PKP1: variants seen among roughly 807,000 people sequenced by gnomAD.
PKP1 encodes the protein plakophilin 1.
A neutral mutation model predicts 76.4 loss-of-function variants in PKP1; 27 were observed. The ratio of observed to expected loss-of-function variants is 0.35; its 90% CI spans 0.26 to 0.49. The LOEUF is 0.49. PKP1 is among the 20% of genes least tolerant of loss of function. The pLI is 0.99. For missense variants in PKP1, 964 were observed against 955.2 expected, an observed-to-expected ratio of 1.01 and a Z score of -0.12; for synonymous variants, 404 against 384.2, an observed-to-expected ratio of 1.05 and a Z score of -0.60.
intron 12 of PKP1, among the ~76,000 whole-genome samples, chr1:201,326,833 T>G (rs1162525230): frequency 6.6e-6 from 1 of 151,976 alleles, no homozygotes; most frequent in Admixed American, 6.5e-5. Flanking sequence ...AGGGCAGAAA[T>G]ATGAAGACCA....
intron 2 of PKP1, among the ~76,000 whole-genome samples, chr1:201,305,121 CGT>C (rs1394128704): frequency 6.6e-6 from 1 of 152,046 alleles, no homozygotes; most frequent in Non-Finnish European, 1.5e-5. Flanking sequence ...AGTGTGTGTC[CGT>C]GTGTGTGAGC....
rs144457712 is a variant in PKP1 at position 201,297,044 on chromosome 1, T to C, written c.306+2999T>C. 3.9e-3 allele frequency among the ~76,000 whole-genome samples: 587 copies of C among 152,342 alleles called. 3 individuals are homozygous for C. Among genetic ancestry groups the C allele is most frequent in the Middle Eastern group, 6.8e-3 (2 of 294 alleles). On this transcript the variant is annotated intron_variant, in intron 2 of 13. Coordinates refer to ENST00000367324, the MANE Select transcript of PKP1 (RefSeq NM_001005337.3). The stretch of plus-strand genomic sequence containing the variant: ...TATTTAAAAAGCAATGGTCGTACCT[T>C]ATAGTTTTACCTTATAGTCTATATC...
intron 2 of PKP1, among the ~76,000 whole-genome samples, chr1:201,311,800 T>C: frequency 6.6e-6 from 1 of 152,214 alleles, no homozygotes; most frequent in East Asian, 1.9e-4. Flanking sequence ...TGTGTGGAGA[T>C]GTTTTTTTAT....
chr1:201,320,387 T>G lies in PKP1; in HGVS notation c.1347+6T>G. Reference sequence around the variant, plus strand: ...CCAGCCGCTGTGACGACAAGGTGAGTGCATCCCCTGGTGGCACCCTGACCC... The same window carrying G: ...CCAGCCGCTGTGACGACAAGGTGAGGGCATCCCCTGGTGGCACCCTGACCC... On this transcript the variant is annotated splice_donor_region_variant and intron_variant, in intron 7 of 13. Coordinates refer to ENST00000367324, the MANE Select transcript of PKP1 (RefSeq NM_001005337.3). The G allele has an allele frequency of 6.3e-7, 1 of 1,581,634 alleles. No individual in the cohort carries two copies. Among genetic ancestry groups the G allele is most frequent in the Non-Finnish European group, 8.7e-7 (1 of 1,150,536 alleles).
At chr1:201,302,033 G>A (rs527495203) in intron 2 of PKP1, among the ~76,000 whole-genome samples, 16 of 152,160 alleles carry the variant, frequency 1.1e-4, no homozygotes, top group African/African-American at 9.7e-5. Context: ...GGTGGCTTTC[G>A]AGCCTGTTTC....
intron 2 of PKP1, among the ~76,000 whole-genome samples, chr1:201,303,127 T>A (rs867800378): frequency 6.6e-6 from 1 of 152,242 alleles, no homozygotes; most frequent in Non-Finnish European, 1.5e-5. Context: ...TCATACCAAC[T>A]ATTATTTACT....
chr1:201,321,759 G>A (rs1275594345), intron 7 of PKP1, among the ~76,000 whole-genome samples: 1 of 152,120 alleles, frequency 6.6e-6, no homozygotes, highest in Non-Finnish European at 1.5e-5. Context: ...GAGAAGTGAG[G>A]CCAGTCAAGT....
intron 1 of PKP1, among the ~76,000 whole-genome samples, chr1:201,292,361 C>T (rs1281955097): frequency 6.6e-6 from 1 of 152,136 alleles, no homozygotes; most frequent in Non-Finnish European, 1.5e-5. Flanking sequence ...AAGTGACTTG[C>T]CCAGGTGCCA....
intron 3 of PKP1, 194 bp from the exon 4 acceptor site, chr1:201,316,359 G>T: frequency 1.6e-6 from 1 of 608,706 alleles, no homozygotes; most frequent in Admixed American, 2.9e-5. Context: ...AATCCAGTGG[G>T]TGTAGCCTTC....
chr1:201,314,791 G>A (rs529668639), intron 3 of PKP1, among the ~76,000 whole-genome samples: 1 of 152,340 alleles, frequency 6.6e-6, no homozygotes, highest in South Asian at 2.1e-4. Context: ...ACAAGTGCGG[G>A]AGACACAGCC....
intron 12 of PKP1, 90 bp downstream of exon 12, chr1:201,325,928 G>T: frequency 1.1e-6 from 1 of 918,084 alleles, no homozygotes; most frequent in Non-Finnish European, 1.8e-6. Context: ...CTGGGCACTA[G>T]AGAAACGCCC....
chr1:201,324,180 G>A (rs1657034008), intron 9 of PKP1, among the ~76,000 whole-genome samples: 1 of 152,156 alleles, frequency 6.6e-6, no homozygotes, highest in Admixed American at 6.5e-5. Context: ...CTATGAGTAG[G>A]GGAAATGAGA....
intron 2 of PKP1, among the ~76,000 whole-genome samples, chr1:201,309,605 T>TG (rs1473099917): frequency 2.0e-5 from 3 of 152,244 alleles, no homozygotes; most frequent in African/African-American, 7.2e-5. Flanking sequence ...AGCCAGACGC[T>TG]GCCAGCAGAT....
In PKP1 at chr1:201,322,043, C is replaced by T. The variant is rs746706553; in HGVS notation, c.1413C>T (p.Thr471=). 6.2e-7 allele frequency: 1 copy of T among 1,614,016 alleles called. No homozygotes were observed. Among genetic ancestry groups the T allele is most frequent in the Non-Finnish European group, 8.5e-7 (1 of 1,180,008 alleles). Residue 471 remains threonine, a synonymous_variant, in exon 8 of 14, where the codon ACC becomes ACT. Transcript: ENST00000367324. ...LSYRLDAEVP[T]RYRQLEYNAR... Reference sequence around the variant, plus strand: ...ACCGCCTGGACGCCGAGGTGCCCACCCGCTACCGCCAGCTGGAGTATAACG... The same window carrying T: ...ACCGCCTGGACGCCGAGGTGCCCACTCGCTACCGCCAGCTGGAGTATAACG...
chr1:201,323,580 G>A (rs1304958207), intron 9 of PKP1, among the ~76,000 whole-genome samples: 1 of 152,200 alleles, frequency 6.6e-6, no homozygotes, highest in South Asian at 2.1e-4. Context: ...GGTCCAAGCA[G>A]GTCCAGAGAA....
chr1:201,322,131 A>G lies in PKP1; in HGVS notation c.1501A>G (p.Met501Val). ...GCFSNKSDKMMNNNYDCPLPE... is the reference protein window; with the variant it reads ...GCFSNKSDKMVNNNYDCPLPE... ...CTTCAGCAACAAGAGCGACAAGATGATGGTGAGCACAGCATCAGCAGGGCG... is the reference window on the plus strand; with the variant it reads ...CTTCAGCAACAAGAGCGACAAGATGGTGGTGAGCACAGCATCAGCAGGGCG... Residue 501 changes from methionine to valine, a missense_variant and splice_region_variant, in exon 8 of 14, where the codon ATG (methionine) becomes GTG (valine). Coordinates refer to ENST00000367324, the MANE Select transcript of PKP1 (RefSeq NM_001005337.3). 6.2e-7 allele frequency: 1 copy of G among 1,610,804 alleles called. No individual in the cohort carries two copies. The highest frequency in any genetic ancestry group is 1.1e-5 in the South Asian group (1 of 91,058).
chr1:201,287,988 C>A (rs1467352883), intron 1 of PKP1, among the ~76,000 whole-genome samples: 1 of 152,146 alleles, frequency 6.6e-6, no homozygotes, highest in African/African-American at 2.4e-5. Flanking sequence ...CATGTATACA[C>A]AATACACCCC....
intron 9 of PKP1, among the ~76,000 whole-genome samples, 169 bp from the exon 10 acceptor site, chr1:201,324,259 G>A (rs1657035548): frequency 6.6e-6 from 1 of 152,172 alleles, no homozygotes; most frequent in Non-Finnish European, 1.5e-5. Flanking sequence ...GGAAAGGGGA[G>A]GTGCATGTTA....
chr1:201,331,976 G>T lies in PKP1; in HGVS notation c.*1935G>T, dbSNP rs930794063. On this transcript the variant is annotated 3_prime_UTR_variant, in exon 14 of 14. Transcript: ENST00000367324. ...GAGGAATTCTTCTCCTAAAAAATAC[G>T]TATGGCATACCAATCTGTGCGGGGC... 2.6e-5 allele frequency: 4 copies of T among 152,420 alleles called. No homozygotes were observed. The East Asian group carries it at 7.7e-4, about 29-fold the overall frequency. The allele number at this position is 152,420 out of a possible 1,614,324, so 9.4% of individuals were successfully genotyped here. A position where few individuals can be genotyped will look rare whatever the true frequency, so the allele number is the denominator to read the frequency against.
Sources: allele counts gnomAD v4.1 joint callset (sites outside exome capture counted in the v4.1 genomes callset), GRCh38; gene constraint gnomAD v4.1.1; transcripts MANE v1.5; gene names NCBI Gene and HGNC (gene_info 2026-07-23, HGNC 2026-07-21).